THADA: variants seen among roughly 807,000 people sequenced by gnomAD.
The protein encoded by THADA is tRNA (32-2'-O)-methyltransferase regulator THADA.
In THADA, 213 loss-of-function variants were observed where a neutral mutation model predicts 219.8. That is an observed-to-expected ratio of 0.97 (90% CI 0.87 to 1.09). THADA has a LOEUF of 1.09. THADA is among the 50% of genes least tolerant of loss of function. The pLI is 0.00. For synonymous variants in THADA, 1,018 were observed against 828.9 expected (o/e 1.23, Z -3.92); for missense variants, 2,956 against 2,311.3 (o/e 1.28, Z -5.72).
intron 15 of THADA, chr2:43,564,990 G>C (rs1698495867): frequency 6.6e-6 from 1 of 152,084 alleles, no homozygotes; most frequent in African/African-American, 2.4e-5. Context: ...TAATATAAAA[G>C]GCCATTTGTT....
At chr2:43,438,041 C>T (rs1680343209) in intron 26 of THADA, among the ~76,000 whole-genome samples, 1 of 152,100 alleles carries the variant, frequency 6.6e-6, no homozygotes. Context: ...GTGGCTCACG[C>T]CTGTAATCCC....
In THADA at chr2:43,465,420, C is replaced by G. The variant is rs150074354; in HGVS notation, c.3836+19814G>C. Among the ~76,000 whole-genome samples the G allele has an allele frequency of 3.3e-5, 5 of 152,332 alleles. No homozygotes were observed. In the East Asian group the frequency reaches 9.6e-4, roughly 29 times the overall value. On this transcript the variant is annotated intron_variant, in intron 26 of 37. Coordinates refer to ENST00000405975, the MANE Select transcript of THADA (RefSeq NM_022065.5). ...GGGCTGGGTAGAGTCTCACACAGCT[C>G]TCCTTAGAGAGCTCAGAGCGTGGGT...
At chr2:43,408,847 A>C (rs1282878131) in intron 28 of THADA, among the ~76,000 whole-genome samples, 1 of 152,200 alleles carries the variant, frequency 6.6e-6, no homozygotes, top group African/African-American at 2.4e-5. Flanking sequence ...TGATGCTAAT[A>C]ATAAAAGTTT....
chr2:43,505,919 T>C (rs980347763), intron 23 of THADA, among the ~76,000 whole-genome samples, 184 bp from the exon 24 acceptor site: 1 of 152,216 alleles, frequency 6.6e-6, no homozygotes, highest in Non-Finnish European at 1.5e-5. Context: ...CTACAGATTC[T>C]TCATCGCTAA....
Position 43,501,769 on chromosome 2 carries a change from C to T in THADA, c.3622-2814G>A, listed in dbSNP as rs762477330. Among the ~76,000 whole-genome samples the T allele has an allele frequency of 1.2e-4, 19 of 152,140 alleles. 1 individual carries two copies. The South Asian group carries it at 3.1e-3, about 25-fold the overall frequency. ...GACCAGTCTGGCCAACGTGGTGAAA[C>T]CCCATCTCTACTAAAAATACAAAAA... On this transcript the variant is annotated intron_variant, in intron 24 of 37. Transcript: ENST00000405975.
At chr2:43,318,133 G>A (rs1168288494) in intron 31 of THADA, among the ~76,000 whole-genome samples, 1 of 151,962 alleles carries the variant, frequency 6.6e-6, no homozygotes, top group Non-Finnish European at 1.5e-5. Flanking sequence ...TCGAACTCCT[G>A]GGTTGAAGTA....
At chr2:43,246,270 G>T (rs1391993319) in intron 36 of THADA, among the ~76,000 whole-genome samples, 6 of 152,154 alleles carry the variant, frequency 3.9e-5, no homozygotes, top group Admixed American at 3.9e-4. Flanking sequence ...TGAGGCAGGC[G>T]GATCACTTGA....
chr2:43,566,970 T>G, intron 14 of THADA, 149 bp from the exon 15 acceptor site: 1 of 581,268 alleles, frequency 1.7e-6, no homozygotes. Flanking sequence ...TCACTTTGCT[T>G]AATAATTCAG....
Position 43,430,222 on chromosome 2 carries a change from G to C in THADA, c.3917C>G (p.Thr1306Arg). Reference sequence around the variant, plus strand: ...CCAATTCTCTTCTTACCTGTCTACTGTATTGGCTACAGTTTCCAACTGTTT... The same window carrying C: ...CCAATTCTCTTCTTACCTGTCTACTCTATTGGCTACAGTTTCCAACTGTTT... The part of the protein sequence containing the change: ...LLKQLETVAN[T>R]VDSDMGEPNR... Residue 1306 changes from threonine to arginine, a missense_variant, in exon 27 of 38, where the codon ACA (threonine) becomes AGA (arginine). Transcript: ENST00000405975. 6.5e-7 allele frequency: 1 copy of C among 1,537,638 alleles called. No individual in the cohort carries two copies. Among genetic ancestry groups the C allele is most frequent in the Non-Finnish European group, 8.8e-7 (1 of 1,139,054 alleles).
At chr2:43,421,787 A>C (rs550552268) in intron 28 of THADA, among the ~76,000 whole-genome samples, 1 of 152,370 alleles carries the variant, frequency 6.6e-6, no homozygotes, top group East Asian at 1.9e-4. Flanking sequence ...ACACAGTTAC[A>C]GAAGTTACTT....
chr2:43,252,217 T>A (rs1669880363), intron 36 of THADA, among the ~76,000 whole-genome samples: 1 of 152,184 alleles, frequency 6.6e-6, no homozygotes, highest in African/African-American at 2.4e-5. Context: ...TTCAACCTCT[T>A]CAATTCAAAT....
At position 43,230,969 on chromosome 2, in the gene THADA, T is replaced by C; in HGVS notation, c.5841A>G (p.Pro1947=). 6.2e-7 allele frequency: 1 copy of C among 1,611,840 alleles called. No homozygotes were observed. The highest frequency in any genetic ancestry group is 8.5e-7 in the Non-Finnish European group (1 of 1,178,138). ...SYAESRQLTL[P]RTEAAC ...TTCTTCAACATGCCGCTTCTGTTCT[T>C]GGAAGAGTTAACTGCCTCGATTCTG... Residue 1947 remains proline, a synonymous_variant, in exon 38 of 38, where the codon CCA becomes CCG. Coordinates refer to ENST00000405975, the MANE Select transcript of THADA (RefSeq NM_022065.5).
chr2:43,290,893 C>T (rs1007662275), intron 34 of THADA, among the ~76,000 whole-genome samples: 2 of 151,982 alleles, frequency 1.3e-5, no homozygotes, highest in Non-Finnish European at 2.9e-5. Context: ...ATTTCACTAC[C>T]AAAGGACATG....
chr2:43,392,253 T>C (rs1210169006), intron 29 of THADA, among the ~76,000 whole-genome samples: 1 of 152,226 alleles, frequency 6.6e-6, no homozygotes, highest in Non-Finnish European at 1.5e-5. Flanking sequence ...GGTTACATTT[T>C]TAAAAGATGG....
At chr2:43,477,359 T>A (rs989233505) in intron 26 of THADA, among the ~76,000 whole-genome samples, 1 of 152,216 alleles carries the variant, frequency 6.6e-6, no homozygotes, top group African/African-American at 2.4e-5. Flanking sequence ...AAACACATTA[T>A]AGCACAGGTC....
chr2:43,388,844 T>C (rs1313518636), intron 29 of THADA, among the ~76,000 whole-genome samples: 1 of 152,200 alleles, frequency 6.6e-6, no homozygotes, highest in Non-Finnish European at 1.5e-5. Context: ...TATTTCAATG[T>C]ACAACATTAA....
Position 43,245,172 on chromosome 2 carries a change from C to CTTTTTTT in THADA, c.5297-12297_5297-12291dup, listed in dbSNP as rs200036949. 7.6e-3 allele frequency among the ~76,000 whole-genome samples: 780 copies of CTTTTTTT among 103,026 alleles called. 125 individuals carry two copies. Among genetic ancestry groups the CTTTTTTT allele is most frequent in the African/African-American group, 0.033 (651 of 19,952 alleles). 67.6% of individuals were successfully genotyped at this position (103,026 alleles called of 152,430 possible). On this transcript the variant is annotated intron_variant, in intron 36 of 37. Coordinates refer to ENST00000405975, the MANE Select transcript of THADA (RefSeq NM_022065.5). ...TACTGGAGCTTCTTTCTTTCTTCTT[C>CTTTTTTT]TTTTTTTTTTTTTTTTTTGAGACGG...
rs114460778 is a variant in THADA, at chr2:43,275,634, T to C, written c.5296+4131A>G. On this transcript the variant is annotated intron_variant, in intron 36 of 37. Coordinates refer to ENST00000405975, the MANE Select transcript of THADA (RefSeq NM_022065.5). ...TTCCAGCTAAGCCACACCAGATAACTTGCATCAGAGTGAAAGAGCTCTGCA... is the reference window on the plus strand; with the variant it reads ...TTCCAGCTAAGCCACACCAGATAACCTGCATCAGAGTGAAAGAGCTCTGCA... Among the ~76,000 whole-genome samples, 1,061 of 152,238 alleles carry C rather than the reference T, an allele frequency of 7.0e-3. 12 individuals are homozygous for C. Among genetic ancestry groups the C allele is most frequent in the African/African-American group, 0.023 (951 of 41,540 alleles).
chr2:43,458,515 A>C (rs1176113839), intron 26 of THADA, among the ~76,000 whole-genome samples: 1 of 152,204 alleles, frequency 6.6e-6, no homozygotes, highest in Non-Finnish European at 1.5e-5. Context: ...AAATGAGATA[A>C]GAGATCTGCA....
Sources: gnomAD v4.1 joint callset for allele counts (sites outside exome capture counted in the v4.1 genomes callset) on GRCh38, gnomAD v4.1.1 for gene constraint, MANE v1.5 for transcripts, NCBI Gene and HGNC (gene_info 2026-07-23, HGNC 2026-07-21) for gene names.